The following PIEZO1 variants were observed in gnomAD, a reference collection of about 807,000 sequenced individuals.
The protein encoded by PIEZO1 is piezo-type mechanosensitive ion channel component 1.
In PIEZO1, 296 loss-of-function variants were observed where a neutral mutation model predicts 297.2. The observed-to-expected ratio is 1.00, with a 90% CI of 0.91 to 1.10. The LOEUF is 1.10. Ranked by LOEUF, PIEZO1 falls within the 50% of genes least tolerant of loss-of-function variation. The pLI, the probability that PIEZO1 is intolerant of heterozygous loss-of-function variation, is 0.00. For synonymous variants in PIEZO1, 2,427 were observed against 1,507.5 expected (o/e 1.61, Z -14.13); for missense variants, 5,018 against 3,455.5 (o/e 1.45, Z -11.34).
At chr16:88,775,632 G>A (rs960310655) in intron 1 of PIEZO1, among the ~76,000 whole-genome samples, 2 of 151,528 alleles carry the variant, frequency 1.3e-5, no homozygotes, top group African/African-American at 4.8e-5. Flanking sequence ...GGGAGGCTAA[G>A]GCAGGAGAAT....
At chr16:88,756,308 C>A (rs964273927) in intron 1 of PIEZO1, among the ~76,000 whole-genome samples, 10 of 152,178 alleles carry the variant, frequency 6.6e-5, no homozygotes, top group African/African-American at 1.4e-4. Context: ...CCTAAGAGGC[C>A]CCTCCACAAC....
At chr16:88,737,690 C>A (rs1273559399) in intron 9 of PIEZO1, 38 bp downstream of exon 9, 1 of 1,531,754 alleles carries the variant, frequency 6.5e-7, no homozygotes, top group Non-Finnish European at 8.7e-7. Flanking sequence ...TGGCCGGGCG[C>A]CCCCCACGCT....
chr16:88,756,845 G>A (rs1363724041), intron 1 of PIEZO1, among the ~76,000 whole-genome samples: 1 of 152,080 alleles, frequency 6.6e-6, no homozygotes, highest in Non-Finnish European at 1.5e-5. Context: ...GGGAGGCCGA[G>A]GCGGGCAGAT....
chr16:88,734,182 C>G (rs1486966809), intron 16 of PIEZO1, 128 bp from the exon 17 acceptor site: 1 of 1,269,016 alleles, frequency 7.9e-7, no homozygotes, highest in Non-Finnish European at 1.1e-6. Flanking sequence ...TGTGTCGCAA[C>G]TCATGCCCAC....
In PIEZO1 at chr16:88,731,789, C is replaced by G; in HGVS notation, c.3113G>C (p.Trp1038Ser). 4 of 1,549,338 alleles carry G rather than the reference C, an allele frequency of 2.6e-6. No homozygotes were observed. The highest frequency in any genetic ancestry group is 3.5e-6 in the Non-Finnish European group (4 of 1,146,698). The change falls in exon 22 of 51, where the codon TGG becomes TCG. Residue 1038 changes from tryptophan (W) to serine (S), a missense_variant. By Grantham distance (177) the Trp-to-Ser change is radical. Coordinates refer to ENST00000301015, the MANE Select transcript of PIEZO1 (RefSeq NM_001142864.4). ...CGCCAGGAAGAGGCAGTAGTTGGGC[C>G]AGAGGCGGGCAATGGCCTGGCGGTG... The part of the protein sequence containing the change: ...RRHRQAIARL[W>S]PNYCLFLALF...
rs1394978306 is a variant in PIEZO1, at chr16:88,738,050, G to C, written c.904C>G (p.Leu302Val). 6.5e-7 allele frequency: 1 copy of C among 1,535,830 alleles called. No homozygotes were observed. ...CAGTCCAGGCCGGTGTTGAGGACCA[G>C]CGCGTGGGGGCTGGAGCAGTTGGTG... ...GPTNCSSPHA[L>V]VLNTGLDWPV... is the part of the protein sequence containing the mutation. Residue 302 changes from leucine (L) to valine (V), a missense_variant, in exon 8 of 51, where the codon CTG becomes GTG. Physicochemically the swap from Leu to Val is conservative, Grantham distance 32 (BLOSUM62 1). Coordinates refer to ENST00000301015, the MANE Select transcript of PIEZO1 (RefSeq NM_001142864.4).
At position 88,738,724 on chromosome 16, in the gene PIEZO1, T is replaced by A. The variant is rs1347252306; in HGVS notation, c.478A>T (p.Arg160Trp). 6.5e-7 allele frequency: 1 copy of A among 1,531,286 alleles called. No homozygotes were observed. Among genetic ancestry groups the A allele is most frequent in the Non-Finnish European group, 8.7e-7 (1 of 1,143,270 alleles). 94.9% of individuals were successfully genotyped at this position (1,531,286 alleles called of 1,614,324 possible). The change falls in exon 6 of 51, where the codon AGG becomes TGG. Residue 160 changes from arginine (R) to tryptophan (W), a missense_variant. Physicochemically the swap from Arg to Trp is moderately radical, Grantham distance 101. Coordinates refer to ENST00000301015, the MANE Select transcript of PIEZO1 (RefSeq NM_001142864.4). ...GCCGTCGGGCTGGCATCCACATCCC[T>A]CTCATCATCATCCTGCCAAGGTCAC... is the stretch of plus-strand genomic sequence containing the variant. ...PHPRELDDDE[R>W]DVDASPTAGL...
intron 21 of PIEZO1, 27 bp downstream of exon 21, chr16:88,732,308 C>T: frequency 6.5e-7 from 1 of 1,536,250 alleles, no homozygotes; most frequent in Non-Finnish European, 8.8e-7. Flanking sequence ...AGCCCTGCCC[C>T]AGGGGGAGGC....
At chr16:88,723,203 A>T in intron 32 of PIEZO1, 23 bp downstream of exon 32, 2 of 1,548,838 alleles carry the variant, frequency 1.3e-6, no homozygotes, top group Non-Finnish European at 1.7e-6. Flanking sequence ...TTCCCCTCAG[A>T]GTCCCCACGC....
intron 1 of PIEZO1, among the ~76,000 whole-genome samples, chr16:88,781,346 T>C (rs1349164639): frequency 6.6e-6 from 1 of 152,350 alleles, no homozygotes; most frequent in African/African-American, 2.4e-5. Context: ...CCCTGTGTCC[T>C]GGGCACCAGT....
At position 88,715,938 on chromosome 16, in the gene PIEZO1, G is replaced by A. The variant is rs1911987680; in HGVS notation, c.7311C>T (p.Gly2437=). The A allele has an allele frequency of 1.3e-6, 2 of 1,549,268 alleles. No individual in the cohort carries two copies. Among genetic ancestry groups the A allele is most frequent in the South Asian group, 2.4e-5 (2 of 84,014 alleles). ...VSPPSLGFLA[G]YGIMGLYVSI... is the part of the protein sequence containing the mutation. ...CCCCCCAGCCACTCACTCACCCGTA[G>A]CCAGCCAGGAAGCCGAGGCTCGGTG... Residue 2437 remains glycine (G), a synonymous_variant, in exon 50 of 51, where the codon GGC becomes GGT. Transcript: ENST00000301015.
rs1471196010 is a variant in PIEZO1 at position 88,720,119 on chromosome 16, C to G, written c.6114G>C (p.Val2038=). ...AGAACATCCATAGGTGGATGGCCAG[C>G]ACCAGCGCCACCTGGAAGGCCAGCT... ...LGKLAFQVAL[V]LAIHLWMFFI... is the part of the protein sequence containing the mutation. The change falls in exon 42 of 51, where the codon GTG becomes GTC. Residue 2038 remains valine, a synonymous_variant. Coordinates refer to ENST00000301015, the MANE Select transcript of PIEZO1 (RefSeq NM_001142864.4). 2.6e-6 allele frequency: 4 copies of G among 1,550,410 alleles called. No homozygotes were observed. The highest frequency in any genetic ancestry group is 2.0e-5 in the Admixed American group (1 of 51,004).
chr16:88,733,073 C>A (rs995984399), intron 19 of PIEZO1: 16 of 602,240 alleles, frequency 2.7e-5, no homozygotes, highest in Non-Finnish European at 4.7e-5. Context: ...CTACTGGACA[C>A]CCTTGTGTGC....
At chr16:88,735,833 G>A (rs886194029) in intron 12 of PIEZO1, among the ~76,000 whole-genome samples, 2 of 152,218 alleles carry the variant, frequency 1.3e-5, no homozygotes, top group African/African-American at 4.8e-5. Context: ...TGGTGCCTGT[G>A]CCAATGGGCA....
chr16:88,720,351 C>T (rs776134682), intron 41 of PIEZO1, 34 bp downstream of exon 41: 47 of 1,549,978 alleles, frequency 3.0e-5, no homozygotes, highest in Admixed American at 7.8e-5. Context: ...CTGAGCTCTG[C>T]GTACACTGGG....
At chr16:88,719,514 G>C in intron 44 of PIEZO1, 60 bp downstream of exon 44, 19 of 1,485,668 alleles carry the variant, frequency 1.3e-5, no homozygotes, top group Non-Finnish European at 1.6e-5. Context: ...CAGTGCCTCT[G>C]TCTTAGGGAG....
rs959707445 is a variant in PIEZO1 at position 88,757,328 on chromosome 16, G to C, written c.65-7849C>G. Among the ~76,000 whole-genome samples, 379 of 49,610 alleles carry C rather than the reference G, an allele frequency of 7.6e-3. 35 individuals carry two copies. Among genetic ancestry groups the C allele is most frequent in the African/African-American group, 0.05 (336 of 6,754 alleles). 32.5% of individuals were successfully genotyped at this position (49,610 alleles called of 152,430 possible). A position where few individuals can be genotyped will look rare whatever the true frequency, so the allele number is the denominator to read the frequency against. On this transcript the variant is annotated intron_variant, in intron 1 of 50. Coordinates refer to ENST00000301015, the MANE Select transcript of PIEZO1 (RefSeq NM_001142864.4). ...CAGGGGGCGTTGCTGGCGGGGGGGT[G>C]GGGGGTAGTTACCTAACCTGCCTGC...
intron 21 of PIEZO1, among the ~76,000 whole-genome samples, chr16:88,732,127 A>G (rs1904890672): frequency 6.6e-6 from 1 of 151,932 alleles, no homozygotes; most frequent in African/African-American, 2.4e-5. Context: ...GCTGTACAGT[A>G]GAGCAGATCT....
At chr16:88,735,978 G>A (rs1217187650) in intron 12 of PIEZO1, among the ~76,000 whole-genome samples, 170 bp downstream of exon 12, 1 of 152,242 alleles carries the variant, frequency 6.6e-6, no homozygotes, top group Non-Finnish European at 1.5e-5. Flanking sequence ...GTCAACAAAC[G>A]CTCACTGAGA....
Sources: gnomAD v4.1 joint callset for allele counts (sites outside exome capture counted in the v4.1 genomes callset) on GRCh38, gnomAD v4.1.1 for gene constraint, MANE v1.5 for transcripts, NCBI Gene and HGNC (gene_info 2026-07-23, HGNC 2026-07-21) for gene names.